BLTP1: variants seen among roughly 807,000 people sequenced by gnomAD.
BLTP1 encodes the protein fragile site-associated protein.
the BLTP1 span, chr4:122,246,434 TA>T: frequency 9.4e-7 from 1 of 1,061,190 alleles, no homozygotes; most frequent in Non-Finnish European, 1.3e-6. Context: ...TTCTATGATC[TA>T]ATGTAGATCT....
chr4:122,336,984 C>T, the BLTP1 span: 1 of 1,611,934 alleles, frequency 6.2e-7, no homozygotes, highest in South Asian at 1.1e-5. Context: ...CTTACTCTTC[C>T]TTCCCTGTAG....
chr4:122,169,631 A>G, the BLTP1 span: 4 of 961,078 alleles, frequency 4.2e-6, no homozygotes, highest in African/African-American at 1.8e-5. Context: ...TTGTTGGTAC[A>G]TCTCAATATT....
chr4:122,161,265 T>A, the BLTP1 span: 10,255 of 286,596 alleles, frequency 0.036, 244 homozygotes, highest in East Asian at 0.14. Context: ...GATTAAATTT[T>A]TTTTTTCATT....
the BLTP1 span, among the ~76,000 whole-genome samples, chr4:122,177,271 T>C: frequency 1.4e-4 from 22 of 152,192 alleles, no homozygotes; most frequent in Admixed American, 1.3e-4. Flanking sequence ...CATCAAATCT[T>C]GTCAGCTTTC....
chr4:122,308,082 C>T, the BLTP1 span: 9 of 1,613,450 alleles, frequency 5.6e-6, no homozygotes, highest in East Asian at 1.8e-4. Context: ...AAACATCAGC[C>T]CAGGCCTTTG....
chr4:122,318,362 G>A, the BLTP1 span: 263 of 951,080 alleles, frequency 2.8e-4, 2 homozygotes, highest in South Asian at 3.2e-3. Context: ...TCTAAAGCAC[G>A]TTACATGTAA....
the BLTP1 span, chr4:122,255,012 T>A: frequency 6.7e-7 from 1 of 1,502,972 alleles, no homozygotes; most frequent in Non-Finnish European, 9.1e-7. Flanking sequence ...AAATGACCCC[T>A]TATTGTTAAT....
the BLTP1 span, among the ~76,000 whole-genome samples, chr4:122,267,406 A>AT: frequency 2.0e-5 from 3 of 152,152 alleles, no homozygotes; most frequent in Admixed American, 6.5e-5. Context: ...ACCTTTTAGT[A>AT]AAAGTAGTAG....
At chr4:122,237,210 G>C in the BLTP1 span, 1 of 985,390 alleles carries the variant, frequency 1.0e-6, no homozygotes, top group African/African-American at 1.7e-5. Context: ...GCTAAAACAG[G>C]GATGGTAGGA....
At chr4:122,336,167 T>G in the BLTP1 span, 1 of 1,544,710 alleles carries the variant, frequency 6.5e-7, no homozygotes, top group Non-Finnish European at 8.7e-7. Context: ...TAAAATCCAT[T>G]AAATGGAATT....
At chr4:122,246,745 TGTGACTCATGTTTCCCTA>T in the BLTP1 span, 1 of 1,612,802 alleles carries the variant, frequency 6.2e-7, no homozygotes, top group Non-Finnish European at 8.5e-7. Flanking sequence ...CTAGTAGGAG[TGTGACTCATGTTTCCCTA>T]GTGGCATTGT....
the BLTP1 span, chr4:122,153,103 G>T: frequency 1.1e-6 from 1 of 876,194 alleles, no homozygotes; most frequent in Non-Finnish European, 1.4e-6. Flanking sequence ...TTTCCTATTG[G>T]TCAAAGGAAG....
the BLTP1 span, chr4:122,235,031 A>C: frequency 1.0e-5 from 16 of 1,591,460 alleles, no homozygotes; most frequent in South Asian, 1.7e-4. Flanking sequence ...ATGGTAATAA[A>C]ATGTTTCGTC....
the BLTP1 span, chr4:122,224,429 G>C: frequency 6.7e-7 from 1 of 1,496,838 alleles, no homozygotes; most frequent in Non-Finnish European, 9.0e-7. Flanking sequence ...GGGGGTGTGG[G>C]GGGAAACAAC....
chr4:122,152,412 A>C, the BLTP1 span: 1 of 985,620 alleles, frequency 1.0e-6, no homozygotes, highest in East Asian at 1.1e-4. Context: ...CAGGGTCTGG[A>C]CCTGGGCGGC....
chr4:122,171,122 T>C, the BLTP1 span, among the ~76,000 whole-genome samples: 19 of 152,302 alleles, frequency 1.2e-4, no homozygotes, highest in Admixed American at 3.9e-4. Context: ...TCTATTTTTA[T>C]AGTAAAATAG....
the BLTP1 span, chr4:122,184,908 ATAT>A: frequency 1.0e-6 from 1 of 984,394 alleles, no homozygotes; most frequent in Non-Finnish European, 1.2e-6. Context: ...TCTGCCCCTA[ATAT>A]TCTGATTTCA....
the BLTP1 span, chr4:122,301,172 T>G: frequency 8.6e-7 from 1 of 1,164,120 alleles, no homozygotes; most frequent in African/African-American, 1.6e-5. Context: ...AAATGTAACT[T>G]AGCTAAAGAT....
the BLTP1 span, chr4:122,304,687 T>G: frequency 1.4e-6 from 2 of 1,471,610 alleles, no homozygotes; most frequent in Non-Finnish European, 1.8e-6. Context: ...TGCCTGTTCA[T>G]GGTTTAAAAC....
Sources: allele counts gnomAD v4.1 joint callset (sites outside exome capture counted in the v4.1 genomes callset), GRCh38; gene constraint gnomAD v4.1.1; transcripts MANE v1.5; gene names NCBI Gene and HGNC (gene_info 2026-07-23, HGNC 2026-07-21).